DHODH: variants seen among roughly 807,000 people sequenced by gnomAD.
DHODH encodes dihydroorotate dehydrogenase (quinone), mitochondrial.
DHODH carries 30 observed loss-of-function variants against 39.7 expected under a neutral mutation model. The ratio of observed to expected loss-of-function variants is 0.76; its 90% CI spans 0.57 to 1.02. The LOEUF is 1.02. Ranked by LOEUF, DHODH falls within the 50% of genes least tolerant of loss-of-function variation. The pLI is 0.00. For synonymous variants in DHODH, 222 were observed against 213.8 expected (o/e 1.04, Z -0.34); for missense variants, 531 against 520.8 (o/e 1.02, Z -0.19).
At chr16:72,016,934 T>C in intron 3 of DHODH, 90 bp from the exon 4 acceptor site, 2 of 1,251,252 alleles carry the variant, frequency 1.6e-6, no homozygotes, top group Non-Finnish European at 2.3e-6. Flanking sequence ...GTGATTTTTT[T>C]TTTTCTCTTG....
At chr16:72,014,748 C>A in intron 3 of DHODH, 76 bp downstream of exon 3, 1 of 1,439,582 alleles carries the variant, frequency 6.9e-7, no homozygotes, top group Non-Finnish European at 9.7e-7. Context: ...AGATCTGCCT[C>A]TGTTTTTTTT....
rs200598938 is a variant in DHODH, at chr16:72,021,198, G to A, written c.592G>A (p.Val198Met). ...CGCCGCGGAGGACTACGCAGAAGGG[G>A]TGCGCGTACTGGGCCCCCTGGCCGA... Reference protein sequence around the residue: ...VDAAEDYAEGVRVLGPLADYL... With the variant: ...VDAAEDYAEGMRVLGPLADYL... The change falls in exon 5 of 9, where the codon GTG (valine) becomes ATG (methionine). Residue 198 changes from valine to methionine, a missense_variant. Transcript: ENST00000219240. 183 of 1,611,094 alleles carry A rather than the reference G, an allele frequency of 1.1e-4. No individual in the cohort carries two copies. The highest frequency in any genetic ancestry group is 4.6e-4 in the South Asian group (42 of 90,344).
chr16:72,008,813 TG>T (rs1567568244), intron 1 of DHODH, 28 bp downstream of exon 1: 1 of 1,552,450 alleles, frequency 6.4e-7, no homozygotes, highest in Non-Finnish European at 8.7e-7. Flanking sequence ...GCAGTGTGGA[TG>T]GGGGACCAGG....
In DHODH at chr16:72,014,001, G is replaced by C. The variant is rs549041576; in HGVS notation, c.235-472G>C. 3.9e-5 allele frequency among the ~76,000 whole-genome samples: 6 copies of C among 152,282 alleles called. 1 individual carries two copies. The South Asian group carries it at 1.2e-3, about 32-fold the overall frequency. ...GGCTTCTTGCCAGCCCGGATGAGGAGGGACACAGCTGGAGCTGATGTTTAT... is the reference window on the plus strand; with the variant it reads ...GGCTTCTTGCCAGCCCGGATGAGGACGGACACAGCTGGAGCTGATGTTTAT... On this transcript the variant is annotated intron_variant, in intron 2 of 8. Coordinates refer to ENST00000219240, the MANE Select transcript of DHODH (RefSeq NM_001361.5).
Position 72,014,657 on chromosome 16 carries a change from A to G in DHODH, c.419A>G (p.Gln140Arg). 6.2e-7 allele frequency: 1 copy of G among 1,614,154 alleles called. No homozygotes were observed. The highest frequency in any genetic ancestry group is 1.3e-5 in the African/African-American group (1 of 75,056). The change falls in exon 3 of 9, where the codon CAA (glutamine) becomes CGA (arginine). Residue 140 changes from glutamine to arginine, a missense_variant. Gln to Arg is a conservative substitution (Grantham distance 43). Coordinates refer to ENST00000219240, the MANE Select transcript of DHODH (RefSeq NM_001361.5). Reference protein sequence around the residue: ...RPRVFRLPEDQAVINRYGFNS... With the variant: ...RPRVFRLPEDRAVINRYGFNS... ...AGAGTCTTCCGCCTCCCTGAGGACCAAGCTGTCATTAACAGGTAGGTGAGC... is the reference window on the plus strand; with the variant it reads ...AGAGTCTTCCGCCTCCCTGAGGACCGAGCTGTCATTAACAGGTAGGTGAGC...
chr16:72,013,197 G>T (rs927236188), intron 2 of DHODH, among the ~76,000 whole-genome samples: 1 of 151,024 alleles, frequency 6.6e-6, no homozygotes, highest in Non-Finnish European at 1.5e-5. Flanking sequence ...TTGAGCAGAC[G>T]TGTCATTTCC....
intron 2 of DHODH, 80 bp from the exon 3 acceptor site, chr16:72,014,393 T>C: frequency 7.2e-7 from 1 of 1,380,088 alleles, no homozygotes; most frequent in Non-Finnish European, 1.0e-6. Flanking sequence ...GTCATTCTGA[T>C]GTAGCTGTGC....
rs370916415 is a variant in DHODH, at chr16:72,026,386, C to CTT, written c.*2198_*2199dup. 4.8e-5 allele frequency: 7 copies of CTT among 146,110 alleles called. No homozygotes were observed. The highest frequency in any genetic ancestry group is 7.5e-5 in the Non-Finnish European group (5 of 66,340). 9.1% of individuals were successfully genotyped at this position (146,110 alleles called of 1,614,324 possible). On this transcript the variant is annotated 3_prime_UTR_variant, in exon 9 of 9. Transcript: ENST00000219240. ...TGGAAGGTTCTCCACGGAAGACTGC[C>CTT]TTTTTTTTTTTTGAGATGGAGTCTC...
Position 72,019,460 on chromosome 16 carries a change from T to C in DHODH, c.518-1664T>C, listed in dbSNP as rs551598212. On this transcript the variant is annotated intron_variant, in intron 4 of 8. Coordinates refer to ENST00000219240, the MANE Select transcript of DHODH (RefSeq NM_001361.5). The stretch of plus-strand genomic sequence containing the variant: ...CTTCCCCCAACTCTCAGATCAAAAG[T>C]ACAGCCTGTACCATTGATGTACCAC... Among the ~76,000 whole-genome samples the C allele has an allele frequency of 1.4e-4, 22 of 152,326 alleles. No individual in the cohort carries two copies. The South Asian group carries it at 4.6e-3, about 32-fold the overall frequency.
intron 1 of DHODH, 173 bp downstream of exon 1, chr16:72,008,958 AC>A: frequency 6.6e-7 from 1 of 1,504,524 alleles, no homozygotes; most frequent in Non-Finnish European, 8.9e-7. Context: ...GTGCATTTGC[AC>A]GTGGACTCGG....
chr16:72,011,119 T>C (rs1389083427), intron 1 of DHODH, among the ~76,000 whole-genome samples: 1 of 152,206 alleles, frequency 6.6e-6, no homozygotes, highest in Non-Finnish European at 1.5e-5. Flanking sequence ...TAAAATTACA[T>C]GTATTTCAGT....
intron 4 of DHODH, among the ~76,000 whole-genome samples, chr16:72,019,371 A>G (rs958766719): frequency 1.4e-4 from 22 of 152,184 alleles, no homozygotes; most frequent in African/African-American, 4.8e-4. Context: ...GAGCAGTACA[A>G]TAGATGTTGT....
chr16:72,020,333 A>ATATATATATATATATATATGTGTG (rs2041192418), intron 4 of DHODH: 1 of 91,878 alleles, frequency 1.1e-5, no homozygotes, highest in East Asian at 2.5e-4. Context: ...ATATGTGTAT[A>ATATATATATATATATATATGTGTG]TATATATATA....
rs965474559 is a variant in DHODH, at chr16:72,014,576, G to C, written c.338G>C (p.Gly113Ala). ...AVDGLYKMGF[G>A]FVEIGSVTPK... is the part of the protein sequence containing the mutation. ...GACGGACTTTATAAGATGGGCTTTG[G>C]TTTTGTTGAGATAGGAAGTGTGACT... Residue 113 changes from glycine (G) to alanine (A), a missense_variant, in exon 3 of 9, where the codon GGT becomes GCT. Coordinates refer to ENST00000219240, the MANE Select transcript of DHODH (RefSeq NM_001361.5). 2 of 1,614,054 alleles carry C rather than the reference G, an allele frequency of 1.2e-6. No individual in the cohort carries two copies. The highest frequency in any genetic ancestry group is 1.7e-6 in the Non-Finnish European group (2 of 1,180,042).
intron 2 of DHODH, among the ~76,000 whole-genome samples, chr16:72,012,667 C>T (rs572748325): frequency 7.9e-5 from 12 of 152,322 alleles, no homozygotes; most frequent in Admixed American, 6.5e-4. Context: ...TTGCTGAGGT[C>T]GTGGGTAGCT....
In DHODH at chr16:72,027,016, A is replaced by C. The variant is rs1361723745; in HGVS notation, c.*2817A>C. On this transcript the variant is annotated 3_prime_UTR_variant, in exon 9 of 9. Transcript: ENST00000219240. ...GTGTGTGTGTGTGTGTGTGTTTTTG[A>C]GATGGAGTCCTGCTCTGTCACCCCG... 1 of 132,950 alleles carries C rather than the reference A, an allele frequency of 7.5e-6. No individual in the cohort carries two copies. 8.2% of individuals were successfully genotyped at this position (132,950 alleles called of 1,614,324 possible).
intron 5 of DHODH, 134 bp from the exon 6 acceptor site, chr16:72,022,228 T>A (rs1259968938): frequency 2.8e-6 from 2 of 709,030 alleles, no homozygotes; most frequent in African/African-American, 3.5e-5. Flanking sequence ...GAGGGCTGGC[T>A]TTCCTGAAAA....
chr16:72,012,112 G>A lies in DHODH; in HGVS notation c.84G>A (p.Leu28=). The change falls in exon 2 of 9, where the codon CTG becomes CTA. Residue 28 remains leucine (L), a synonymous_variant. Transcript: ENST00000219240. The stretch of plus-strand genomic sequence containing the variant: ...GAGGACTTCTCTTCGCCTCCTACCT[G>A]ATGGCCACGGGAGATGAGCGTTTCT... ...GGGGLLFASY[L]MATGDERFYA... is the part of the protein sequence containing the mutation. The A allele has an allele frequency of 6.2e-7, 1 of 1,614,138 alleles. No individual in the cohort carries two copies.
chr16:72,014,297 AT>A, intron 2 of DHODH, 175 bp from the exon 3 acceptor site: 1 of 637,714 alleles, frequency 1.6e-6, no homozygotes. Flanking sequence ...ACTGTTAAAA[AT>A]AGTTCCCCCA....
Sources: gnomAD v4.1 joint callset for allele counts (sites outside exome capture counted in the v4.1 genomes callset) on GRCh38, gnomAD v4.1.1 for gene constraint, MANE v1.5 for transcripts, NCBI Gene and HGNC (gene_info 2026-07-23, HGNC 2026-07-21) for gene names.